Variants in DELE1 observed in about 807,000 individuals in gnomAD.
The protein encoded by DELE1 is DAP3 binding cell death enhancer 1.
A neutral mutation model predicts 59.3 loss-of-function variants in DELE1; 54 were observed. The observed-to-expected ratio is 0.91, with a 90% CI of 0.73 to 1.14. The LOEUF (loss-of-function observed/expected upper bound fraction) is 1.14. DELE1 is among the 50% of genes most tolerant of loss of function. The pLI, the probability that DELE1 is intolerant of heterozygous loss-of-function variation, is 0.00. For synonymous variants in DELE1, 264 were observed against 259.1 expected (o/e 1.02, Z -0.18); for missense variants, 636 against 643.9 (o/e 0.99, Z 0.13).
At chr5:141,934,748 C>T (rs1752226715) in intron 10 of DELE1, 162 bp downstream of exon 10, 15 of 671,384 alleles carry the variant, frequency 2.2e-5, no homozygotes, top group Non-Finnish European at 3.8e-5. Flanking sequence ...GACCGTTGGG[C>T]AGTTGCAGTA....
chr5:141,929,446 C>T, intron 4 of DELE1, 136 bp from the exon 5 acceptor site: 1 of 844,852 alleles, frequency 1.2e-6, no homozygotes, highest in Non-Finnish European at 1.9e-6. Flanking sequence ...GATGGGGTTT[C>T]ACCATGTTGG....
chr5:141,928,800 A>G (rs1377246053), intron 4 of DELE1, among the ~76,000 whole-genome samples: 1 of 152,186 alleles, frequency 6.6e-6, no homozygotes, highest in East Asian at 1.9e-4. Context: ...TTATCTATAA[A>G]TTGGGGTAAT....
rs1046140877 is a variant in DELE1 at position 141,940,621 on chromosome 5, G to A, written c.*1862G>A. 42 of 985,844 alleles carry A rather than the reference G, an allele frequency of 4.3e-5. No homozygotes were observed. The South Asian group carries it at 7.0e-4, about 17-fold the overall frequency. The allele number at this position is 985,844 out of a possible 1,614,324, so 61.1% of individuals were successfully genotyped here. ...TCTCTTTCACCCGGGGAGCCCAAGC[G>A]TCCTCTAGCTCCATCTCCTCGCCTG... On this transcript the variant is annotated 3_prime_UTR_variant, in exon 12 of 12. Coordinates refer to ENST00000432126, the MANE Select transcript of DELE1 (RefSeq NM_014773.5).
At chr5:141,936,370 C>T (rs938509271) in intron 10 of DELE1, among the ~76,000 whole-genome samples, 4 of 152,180 alleles carry the variant, frequency 2.6e-5, no homozygotes, top group Non-Finnish European at 5.9e-5. Flanking sequence ...GAGCATAGTT[C>T]TCAGAGAGAG....
intron 7 of DELE1, among the ~76,000 whole-genome samples, chr5:141,933,027 G>A (rs6880296): frequency 0.077 from 11,551 of 150,236 alleles, 1,496 homozygotes; most frequent in African/African-American, 0.27. Context: ...CTCAGGAGGT[G>A]GAGGTTGTAG....
chr5:141,925,547 G>T lies in DELE1; in HGVS notation c.264+20G>T, dbSNP rs1751332416. 1 of 1,499,030 alleles carries T rather than the reference G, an allele frequency of 6.7e-7. No homozygotes were observed. The highest frequency in any genetic ancestry group is 1.4e-5 in the African/African-American group (1 of 71,084). The allele number at this position is 1,499,030 out of a possible 1,614,324, so 92.9% of individuals were successfully genotyped here. On this transcript the variant is annotated intron_variant, in intron 3 of 11. Transcript: ENST00000432126. ...TCTTGGGTAAGGCTTCCCCAGCCTGGTCCTTGACCTTCAGTGTAGATGAGA... is the reference window on the plus strand; with the variant it reads ...TCTTGGGTAAGGCTTCCCCAGCCTGTTCCTTGACCTTCAGTGTAGATGAGA...
At chr5:141,931,632 A>T (rs1323603561) in intron 7 of DELE1, among the ~76,000 whole-genome samples, 1 of 152,108 alleles carries the variant, frequency 6.6e-6, no homozygotes, top group African/African-American at 2.4e-5. Flanking sequence ...GAGTAGATGG[A>T]TCTGGTTATA....
In DELE1 at chr5:141,938,630, G is replaced by A. The variant is rs781598102; in HGVS notation, c.1419G>A (p.Ser473=). 24 of 1,613,864 alleles carry A rather than the reference G, an allele frequency of 1.5e-5. No homozygotes were observed. The highest frequency in any genetic ancestry group is 1.9e-5 in the Non-Finnish European group (23 of 1,180,022). Residue 473 remains serine (S), a synonymous_variant, in exon 12 of 12, where the codon TCG becomes TCA. Transcript: ENST00000432126. ...LAGTSRLPHA[S]STGNLGLLCR... is the part of the protein sequence containing the mutation. ...GAACCTCACGCCTACCACATGCCTC[G>A]AGCACAGGCAACCTTGGCCTCCTCT... is the stretch of plus-strand genomic sequence containing the variant.
intron 6 of DELE1, 36 bp from the exon 7 acceptor site, chr5:141,930,142 C>A: frequency 1.2e-6 from 2 of 1,607,448 alleles, no homozygotes; most frequent in South Asian, 1.1e-5. Context: ...TCCTGGTAAA[C>A]CATCCCTTGG....
In DELE1 at chr5:141,941,887, A is replaced by G. The variant is rs921964521; in HGVS notation, c.*3128A>G. 5 of 985,388 alleles carry G rather than the reference A, an allele frequency of 5.1e-6. No homozygotes were observed. Among genetic ancestry groups the G allele is most frequent in the Non-Finnish European group, 6.0e-6 (5 of 829,918 alleles). The allele number at this position is 985,388 out of a possible 1,614,324, so 61.0% of individuals were successfully genotyped here. A position where few individuals can be genotyped will look rare whatever the true frequency, so the allele number is the denominator to read the frequency against. ...TACCCAGCACATAGTAGGTACTTTA[A>G]GTAATTTGAATGAATAATTTTAAAT... On this transcript the variant is annotated 3_prime_UTR_variant, in exon 12 of 12. Transcript: ENST00000432126.
Position 141,938,891 on chromosome 5 carries a change from C to T in DELE1, c.*132C>T. On this transcript the variant is annotated 3_prime_UTR_variant, in exon 12 of 12. Coordinates refer to ENST00000432126, the MANE Select transcript of DELE1 (RefSeq NM_014773.5). ...GGGAGTTCAGGTTCCCAAGCAATTT[C>T]ACGTACATGGCTGGTAAGTGACTGA... 6.8e-7 allele frequency: 1 copy of T among 1,474,446 alleles called. No individual in the cohort carries two copies. The highest frequency in any genetic ancestry group is 1.4e-5 in the South Asian group (1 of 71,932). The allele number at this position is 1,474,446 out of a possible 1,614,324, so 91.3% of individuals were successfully genotyped here.
Position 141,941,560 on chromosome 5 carries a change from G to C in DELE1, c.*2801G>C, listed in dbSNP as rs1381852245. ...ACTCATCATCAGTGCCCCAGAGGAAGTGTGAGAGGACGAGAGGGAGGTGGC... is the reference window on the plus strand; with the variant it reads ...ACTCATCATCAGTGCCCCAGAGGAACTGTGAGAGGACGAGAGGGAGGTGGC... On this transcript the variant is annotated 3_prime_UTR_variant, in exon 12 of 12. Transcript: ENST00000432126. 4.9e-5 allele frequency: 48 copies of C among 985,356 alleles called. No homozygotes were observed. Among genetic ancestry groups the C allele is most frequent in the Admixed American group, 6.2e-5 (1 of 16,258 alleles). 61.0% of individuals were successfully genotyped at this position (985,356 alleles called of 1,614,324 possible). A position where few individuals can be genotyped will look rare whatever the true frequency, so the allele number is the denominator to read the frequency against.
At position 141,928,267 on chromosome 5, in the gene DELE1, C is replaced by T. The variant is rs1751586082; in HGVS notation, c.381C>T (p.Phe127=). The change falls in exon 4 of 12, where the codon TTC becomes TTT. Residue 127 remains phenylalanine, a synonymous_variant. Coordinates refer to ENST00000432126, the MANE Select transcript of DELE1 (RefSeq NM_014773.5). ...CCTGGCACAGTCCCCTGGACCGTTT[C>T]TTCTCATCTCCCTTGTGGCACCCAT... ...HCSWHSPLDR[F]FSSPLWHPCS... 6.2e-7 allele frequency: 1 copy of T among 1,614,122 alleles called. No homozygotes were observed. Among genetic ancestry groups the T allele is most frequent in the Non-Finnish European group, 8.5e-7 (1 of 1,179,964 alleles).
At chr5:141,933,491 T>A in intron 8 of DELE1, 90 bp downstream of exon 8, 2 of 1,071,642 alleles carry the variant, frequency 1.9e-6, no homozygotes, top group Non-Finnish European at 2.5e-6. Flanking sequence ...GGGGAAAGTT[T>A]GGCTTCTTTT....
chr5:141,923,909 C>T lies in DELE1; in HGVS notation c.-33C>T. 1 of 1,590,586 alleles carries T rather than the reference C, an allele frequency of 6.3e-7. No individual in the cohort carries two copies. Among genetic ancestry groups the T allele is most frequent in the Non-Finnish European group, 8.6e-7 (1 of 1,168,750 alleles). ...GTCCCAAGGGTTGGTCTCGCGCTTT[C>T]GGCTGCGAGCTCTCTGTGGTGCTGG... On this transcript the variant is annotated 5_prime_UTR_variant, in exon 1 of 12. Transcript: ENST00000432126.
In DELE1 at chr5:141,934,499, A is replaced by G. The variant is rs770023396; in HGVS notation, c.1062A>G (p.Gln354=). 8 of 1,614,122 alleles carry G rather than the reference A, an allele frequency of 5.0e-6. No homozygotes were observed. The highest frequency in any genetic ancestry group is 4.5e-5 in the East Asian group (2 of 44,902). Residue 354 remains glutamine (Q), a synonymous_variant, in exon 10 of 12, where the codon CAA becomes CAG. Transcript: ENST00000432126. ...QAADSGLREA[Q]AFLGVLFTKE... ...TCCTTCCTCCTTGACCACAGGCCCAAGCTTTCCTCGGGGTGCTTTTCACCA... is the reference window on the plus strand; with the variant it reads ...TCCTTCCTCCTTGACCACAGGCCCAGGCTTTCCTCGGGGTGCTTTTCACCA...
At chr5:141,933,186 C>A in intron 7 of DELE1, 73 bp from the exon 8 acceptor site, 1 of 1,260,728 alleles carries the variant, frequency 7.9e-7, no homozygotes. Flanking sequence ...GATGAGGAGT[C>A]TGTAGGTACC....
At chr5:141,929,916 G>A in intron 5 of DELE1, 73 bp from the exon 6 acceptor site, 1 of 1,544,566 alleles carries the variant, frequency 6.5e-7, no homozygotes, top group Non-Finnish European at 8.9e-7. Flanking sequence ...AGCCTGGGTA[G>A]ACTGGGAGAG....
chr5:141,933,111 A>AATATAT (rs1171787891), intron 7 of DELE1, 148 bp from the exon 8 acceptor site: 58 of 94,564 alleles, frequency 6.1e-4, no homozygotes, highest in Non-Finnish European at 7.6e-4. Flanking sequence ...AAAAAAAAAA[A>AATATAT]ATATATATAT....
Sources: gnomAD v4.1 joint callset for allele counts (sites outside exome capture counted in the v4.1 genomes callset) on GRCh38, gnomAD v4.1.1 for gene constraint, MANE v1.5 for transcripts, NCBI Gene and HGNC (gene_info 2026-07-23, HGNC 2026-07-21) for gene names.